The following ENOX1 variants were observed in gnomAD, a reference collection of about 807,000 sequenced individuals.
ENOX1 encodes the protein ecto-NOX disulfide-thiol exchanger 1.
Under a neutral mutation model 82.5 loss-of-function variants are expected in ENOX1, and 42 were observed. That is an observed-to-expected ratio of 0.51 (90% CI 0.40 to 0.66). ENOX1 has a LOEUF of 0.66. Among genes scored for constraint, ENOX1 ranks in the 30% least tolerant of loss-of-function variants. ENOX1 has a pLI of 0.00. For synonymous variants in ENOX1, 271 were observed against 282.2 expected (o/e 0.96, Z 0.40); for missense variants, 608 against 811.6 (o/e 0.75, Z 3.05).
intron 2 of ENOX1, among the ~76,000 whole-genome samples, chr13:43,560,682 TG>T (rs1205962827): frequency 1.3e-5 from 2 of 152,210 alleles, no homozygotes; most frequent in Non-Finnish European, 2.9e-5. Flanking sequence ...CTATTGGCTT[TG>T]GTTTTGTTTT....
chr13:43,461,513 G>A (rs2057484505), intron 3 of ENOX1, among the ~76,000 whole-genome samples: 1 of 152,142 alleles, frequency 6.6e-6, no homozygotes, highest in South Asian at 2.1e-4. Context: ...TAAATTGCAA[G>A]GTCTCTGTCC....
At chr13:43,648,980 A>G (rs1827705538) in intron 2 of ENOX1, among the ~76,000 whole-genome samples, 1 of 152,234 alleles carries the variant, frequency 6.6e-6, no homozygotes, top group African/African-American at 2.4e-5. Context: ...AGACCCAGAC[A>G]CAGTGCTAGA....
At chr13:43,692,632 T>C (rs1443819714) in intron 1 of ENOX1, among the ~76,000 whole-genome samples, 1 of 152,120 alleles carries the variant, frequency 6.6e-6, no homozygotes, top group African/African-American at 2.4e-5. Context: ...ACAAACCTCC[T>C]ATTAGAAAAA....
At chr13:43,403,732 T>A (rs1286471458) in intron 5 of ENOX1, among the ~76,000 whole-genome samples, 1 of 151,886 alleles carries the variant, frequency 6.6e-6, no homozygotes, top group Non-Finnish European at 1.5e-5. Flanking sequence ...TCCCAGCTAC[T>A]CGAGAAGCTG....
At chr13:43,369,822 G>A (rs1225762928) in intron 5 of ENOX1, among the ~76,000 whole-genome samples, 1 of 151,062 alleles carries the variant, frequency 6.6e-6, no homozygotes, top group Admixed American at 6.6e-5. Flanking sequence ...AGAGGGCAAG[G>A]AGATCCTCCT....
At chr13:43,291,152 C>T (rs1466159296) in intron 12 of ENOX1, among the ~76,000 whole-genome samples, 1 of 152,044 alleles carries the variant, frequency 6.6e-6, no homozygotes, top group African/African-American at 2.4e-5. Flanking sequence ...TCCTTCTATG[C>T]TTGTGCATTT....
rs1359475441 is a variant in ENOX1 at position 43,774,153 on chromosome 13, A to G, written c.-285+12499T>C. Among the ~76,000 whole-genome samples, 8 of 152,302 alleles carry G rather than the reference A, an allele frequency of 5.3e-5. No homozygotes were observed. The East Asian group carries it at 7.7e-4, about 15-fold the overall frequency. ...CTAATGCCCAAGAAAATTCCACTTA[A>G]AAACTCTCTCTTCATGCCACAGCAC... On this transcript the variant is annotated intron_variant, in intron 1 of 16. Coordinates refer to ENST00000690772, the MANE Select transcript of ENOX1 (RefSeq NM_001347969.2).
At chr13:43,738,054 G>A (rs9533603) in intron 1 of ENOX1, among the ~76,000 whole-genome samples, 48,951 of 152,004 alleles carry the variant, frequency 0.32, 8,240 homozygotes, top group East Asian at 0.48. Context: ...CTTGAAAAAT[G>A]ATACGTAAGT....
chr13:43,255,353 C>A (rs150434362), intron 14 of ENOX1, among the ~76,000 whole-genome samples: 1 of 151,832 alleles, frequency 6.6e-6, no homozygotes, highest in African/African-American at 2.4e-5. Flanking sequence ...TAGGGAAAAA[C>A]GGAATGTTTT....
chr13:43,437,002 C>T (rs992816752), intron 3 of ENOX1, among the ~76,000 whole-genome samples: 2 of 152,010 alleles, frequency 1.3e-5, no homozygotes, highest in East Asian at 3.9e-4. Context: ...AGACAAACAC[C>T]AGTGTGTGGG....
chr13:43,670,582 G>T (rs150722093), intron 1 of ENOX1, among the ~76,000 whole-genome samples: 1 of 152,088 alleles, frequency 6.6e-6, no homozygotes, highest in Non-Finnish European at 1.5e-5. Context: ...GGCTGGGAGC[G>T]GTGGCTCATG....
chr13:43,596,328 AT>A lies in ENOX1; in HGVS notation c.-219+71150del, dbSNP rs756965710. On this transcript the variant is annotated intron_variant, in intron 2 of 16. Transcript: ENST00000690772. ...CATTTAACACCACCACAGGCCTTCC[AT>A]TTTTCACCACTTAAAAACAACAATT... is the stretch of plus-strand genomic sequence containing the variant. 3.9e-5 allele frequency among the ~76,000 whole-genome samples: 6 copies of A among 152,158 alleles called. No homozygotes were observed. In the East Asian group the frequency reaches 1.2e-3, roughly 29 times the overall value.
intron 1 of ENOX1, among the ~76,000 whole-genome samples, chr13:43,752,640 T>C (rs1278614738): frequency 6.6e-6 from 1 of 152,216 alleles, no homozygotes; most frequent in Non-Finnish European, 1.5e-5. Flanking sequence ...CTTTCTCCAC[T>C]GAATTGCCCC....
chr13:43,744,000 T>C (rs1255504519), intron 1 of ENOX1, among the ~76,000 whole-genome samples: 1 of 149,220 alleles, frequency 6.7e-6, no homozygotes, highest in East Asian at 1.9e-4. Context: ...AATCCATCCA[T>C]GAGGGCAAAG....
chr13:43,637,444 A>T (rs918198007), intron 2 of ENOX1, among the ~76,000 whole-genome samples: 1 of 152,138 alleles, frequency 6.6e-6, no homozygotes, highest in Non-Finnish European at 1.5e-5. Flanking sequence ...AAAATTAAGG[A>T]TACTCAAAAA....
intron 3 of ENOX1, among the ~76,000 whole-genome samples, chr13:43,419,657 G>C (rs2054855800): frequency 6.6e-6 from 1 of 152,174 alleles, no homozygotes; most frequent in Admixed American, 6.5e-5. Flanking sequence ...GAAAGAATCA[G>C]ATTTCTTAAT....
At chr13:43,579,299 T>C (rs1315677208) in intron 2 of ENOX1, among the ~76,000 whole-genome samples, 2 of 152,146 alleles carry the variant, frequency 1.3e-5, no homozygotes, top group African/African-American at 4.8e-5. Context: ...CCCAGAGGTG[T>C]TCAAACAGAA....
chr13:43,689,229 CA>C (rs2086226684), intron 1 of ENOX1, among the ~76,000 whole-genome samples: 1 of 149,348 alleles, frequency 6.7e-6, no homozygotes, highest in South Asian at 2.1e-4. Context: ...CCACCAGAGT[CA>C]AAAATACATA....
chr13:43,411,817 C>T (rs941727535), intron 5 of ENOX1, 99 bp downstream of exon 5: 106 of 1,461,264 alleles, frequency 7.3e-5, no homozygotes, highest in Non-Finnish European at 8.7e-5. Flanking sequence ...AAATAAAAGA[C>T]TGTGTCCAAC....
Sources: allele counts gnomAD v4.1 joint callset (sites outside exome capture counted in the v4.1 genomes callset), GRCh38; gene constraint gnomAD v4.1.1; transcripts MANE v1.5; gene names NCBI Gene and HGNC (gene_info 2026-07-23, HGNC 2026-07-21).